NUMA1: variants seen among roughly 807,000 people sequenced by gnomAD.
NUMA1 encodes the protein SP-H antigen.
A neutral mutation model predicts 237.1 loss-of-function variants in NUMA1; 62 were observed. The observed-to-expected ratio is 0.26, with a 90% CI of 0.21 to 0.32. The LOEUF (loss-of-function observed/expected upper bound fraction) is 0.32. Ranked by LOEUF, NUMA1 falls within the 10% of genes least tolerant of loss-of-function variation. The pLI, the probability that NUMA1 is intolerant of heterozygous loss-of-function variation, is 1.00. For synonymous variants in NUMA1, 1,028 were observed against 1,066.1 expected, an observed-to-expected ratio of 0.96 and a Z score of 0.70; for missense variants, 2,533 against 2,666.5, an observed-to-expected ratio of 0.95 and a Z score of 1.10.
At chr11:72,036,586 C>T (rs1941048569) in intron 2 of NUMA1, among the ~76,000 whole-genome samples, 2 of 152,186 alleles carry the variant, frequency 1.3e-5, no homozygotes, top group African/African-American at 2.4e-5. Context: ...CTTGGGGAAA[C>T]TGTTCTAGTT....
chr11:72,014,034 G>A lies in NUMA1; in HGVS notation c.3469C>T (p.Arg1157Trp), dbSNP rs748699666. 2.4e-5 allele frequency: 39 copies of A among 1,611,086 alleles called. No homozygotes were observed. In the South Asian group the frequency reaches 3.5e-4, roughly 15 times the overall value. The change falls in exon 15 of 27, where the codon CGG becomes TGG. Residue 1157 changes from arginine (R) to tryptophan (W), a missense_variant. By Grantham distance (101) the Arg-to-Trp change is moderately radical. Transcript: ENST00000393695. This position sits in a 1 kb window ranked among gnomAD's most constrained non-coding sequence, Gnocchi z 4.6. The stretch of plus-strand genomic sequence containing the variant: ...TCCAGAGCACTGTCCCGCTCAGCCC[G>A]GGAGGCCCGCTCAGCCTCGAGGCTG... ...ERSLEAERAS[R>W]AERDSALETL...
chr11:72,049,560 A>ATATATATATATATATATATATATTT (rs59229987), intron 2 of NUMA1: 1 of 41,004 alleles, frequency 2.4e-5, no homozygotes, highest in African/African-American at 8.5e-5. Context: ...AAATAATAAT[A>ATATATATATATATATATATATATTT]ATATATATAT....
Position 72,059,784 on chromosome 11 carries a change from A to C in NUMA1, c.-33+10058T>G, listed in dbSNP as rs193274892. ...CAATAATTAGAATTAATGGGTTGAA[A>C]AGCTTGTGTATTTTAAATGTCAACA... On this transcript the variant is annotated intron_variant, in intron 2 of 26. Coordinates refer to ENST00000393695, the MANE Select transcript of NUMA1 (RefSeq NM_006185.4). Among the ~76,000 whole-genome samples the C allele has an allele frequency of 3.5e-3, 540 of 152,262 alleles. 4 individuals are homozygous for C. Among genetic ancestry groups the C allele is most frequent in the African/African-American group, 0.013 (526 of 41,540 alleles).
At chr11:72,054,074 T>C (rs1034631062) in intron 2 of NUMA1, among the ~76,000 whole-genome samples, 5 of 152,126 alleles carry the variant, frequency 3.3e-5, no homozygotes, top group African/African-American at 1.2e-4. Flanking sequence ...GACAACTGTA[T>C]AAATGAAGAA....
At chr11:72,073,160 A>G (rs1943543594) in intron 1 of NUMA1, among the ~76,000 whole-genome samples, 1 of 151,490 alleles carries the variant, frequency 6.6e-6, no homozygotes, top group Non-Finnish European at 1.5e-5. Flanking sequence ...GGTGTTCAAG[A>G]CTAGCCTGAG....
At chr11:72,043,196 C>G (rs1027978697) in intron 2 of NUMA1, among the ~76,000 whole-genome samples, 1 of 150,528 alleles carries the variant, frequency 6.6e-6, no homozygotes, top group Non-Finnish European at 1.5e-5. Flanking sequence ...AGAGAGAAAA[C>G]AGAGTATAAT....
chr11:72,007,221 T>C lies in NUMA1; in HGVS notation c.5431A>G (p.Thr1811Ala), dbSNP rs1955787330. 6.2e-7 allele frequency: 1 copy of C among 1,611,876 alleles called. No individual in the cohort carries two copies. Among genetic ancestry groups the C allele is most frequent in the African/African-American group, 1.3e-5 (1 of 75,034 alleles). Residue 1811 changes from threonine to alanine, a missense_variant, in exon 21 of 27, where the codon ACC becomes GCC. Physicochemically the swap from Thr to Ala is moderately conservative, Grantham distance 58. Transcript: ENST00000393695. ...ATGGTGATGTTGATGATCTGCGTGGTGCGCCGACGAGCGGAGCGGGTCTTA... is the reference window on the plus strand; with the variant it reads ...ATGGTGATGTTGATGATCTGCGTGGCGCGCCGACGAGCGGAGCGGGTCTTA... ...GRKTRSARRRTTQIINITMTK... is the reference protein window; with the variant it reads ...GRKTRSARRRATQIINITMTK...
At chr11:72,012,158 T>C (rs548730830) in intron 16 of NUMA1, 22 of 500,566 alleles carry the variant, frequency 4.4e-5, no homozygotes, top group South Asian at 3.1e-4. Flanking sequence ...TTGTCCCTGA[T>C]AGGCAAATGA....
chr11:72,019,013 A>T, intron 9 of NUMA1, 33 bp from the exon 10 acceptor site: 1 of 1,610,602 alleles, frequency 6.2e-7, no homozygotes, highest in East Asian at 2.2e-5. Flanking sequence ...TGCATTGGTA[A>T]GCGCCTAAGA....
At chr11:72,031,983 A>G (rs1186766967) in intron 3 of NUMA1, among the ~76,000 whole-genome samples, 1 of 31,132 alleles carries the variant, frequency 3.2e-5, no homozygotes, top group African/African-American at 7.5e-5. Flanking sequence ...AAAAAAAAAA[A>G]AAAAAAGAGA....
Position 72,005,280 on chromosome 11 carries a change from G to A in NUMA1, c.5782C>T (p.Arg1928Ter), listed in dbSNP as rs1255727670. Residue 1928 changes from arginine to a stop codon, truncating the protein, a stop_gained, in exon 23 of 27, where the codon CGA (arginine) becomes TGA (stop). Transcript: ENST00000393695. LOFTEE classifies it high-confidence loss of function. ...NRIAELQQRN[R>*]VCPPHLKTCY... Reference sequence around the variant, plus strand: ...GTCTTCAGATGTGGGGGGCACACTCGATTGCGCTGCTGCAGCTCTGCAATG... The same window carrying A: ...GTCTTCAGATGTGGGGGGCACACTCAATTGCGCTGCTGCAGCTCTGCAATG... 2 of 1,609,978 alleles carry A rather than the reference G, an allele frequency of 1.2e-6. No individual in the cohort carries two copies. Among genetic ancestry groups the A allele is most frequent in the Admixed American group, 1.7e-5 (1 of 59,446 alleles).
rs1007434914 is a variant in NUMA1, at chr11:72,006,379, T to A, written c.5464-116A>T. The stretch of plus-strand genomic sequence containing the variant: ...CACATCCATGTATTCCCAACTGCTT[T>A]GCAAAGGTCCTTAAAGTGTGTGTCT... On this transcript the variant is annotated intron_variant, in intron 21 of 26. Coordinates refer to ENST00000393695, the MANE Select transcript of NUMA1 (RefSeq NM_006185.4). 5.8e-5 allele frequency: 48 copies of A among 827,528 alleles called. No homozygotes were observed. In the Admixed American group the frequency reaches 1.2e-3, roughly 20 times the overall value. 51.3% of individuals were successfully genotyped at this position (827,528 alleles called of 1,614,324 possible). A position where few individuals can be genotyped will look rare whatever the true frequency, so the allele number is the denominator to read the frequency against.
At chr11:72,053,780 G>A (rs1030224211) in intron 2 of NUMA1, among the ~76,000 whole-genome samples, 5 of 152,164 alleles carry the variant, frequency 3.3e-5, no homozygotes, top group Admixed American at 6.6e-5. Flanking sequence ...CACATGTGTG[G>A]ATTCAACCAA....
At position 72,010,777 on chromosome 11, in the gene NUMA1, C is replaced by T; in HGVS notation, c.4719+9G>A. On this transcript the variant is annotated intron_variant, in intron 17 of 26. Coordinates refer to ENST00000393695, the MANE Select transcript of NUMA1 (RefSeq NM_006185.4). ...CCAGAGGCCAGACCCATTCCCCCAG[C>T]TGCCCCACCTTCAGCTTCTGCTGCT... is the stretch of plus-strand genomic sequence containing the variant. The T allele has an allele frequency of 6.2e-7, 1 of 1,612,878 alleles. No individual in the cohort carries two copies. Among genetic ancestry groups the T allele is most frequent in the Non-Finnish European group, 8.5e-7 (1 of 1,179,782 alleles).
chr11:72,012,373 A>G (rs759619922), intron 16 of NUMA1, 28 bp downstream of exon 16: 2 of 1,610,680 alleles, frequency 1.2e-6, no homozygotes, highest in Non-Finnish European at 1.7e-6. Flanking sequence ...TTAAGCAGCC[A>G]GCATTTAGCG....
chr11:72,013,505 T>C lies in NUMA1; in HGVS notation c.3998A>G (p.Gln1333Arg). The C allele has an allele frequency of 6.2e-7, 1 of 1,613,540 alleles. No homozygotes were observed. Among genetic ancestry groups the C allele is most frequent in the South Asian group, 1.1e-5 (1 of 91,086 alleles). Reference protein sequence around the residue: ...EELGQELKAWQEKFFQKEQAL... With the variant: ...EELGQELKAWREKFFQKEQAL... ...CTGCTCTTTCTGGAAGAACTTCTCC[T>C]GCCACGCCTTCAATTCTTGGCCCAG... The change falls in exon 15 of 27, where the codon CAG becomes CGG. Residue 1333 changes from glutamine (Q) to arginine (R), a missense_variant. Physicochemically the swap from Gln to Arg is conservative, Grantham distance 43. This residue lies in a region of NUMA1 where 324 missense variants were observed against 407.6 expected (regional missense o/e 0.79). Transcript: ENST00000393695. This position sits in a 1 kb window ranked among gnomAD's most constrained non-coding sequence, Gnocchi z 6.8.
In NUMA1 at chr11:72,035,987, G is replaced by C. The variant is rs780842018; in HGVS notation, c.-32-12C>G. The C allele has an allele frequency of 4.4e-6, 7 of 1,600,842 alleles. No homozygotes were observed. Among genetic ancestry groups the C allele is most frequent in the Non-Finnish European group, 6.0e-6 (7 of 1,168,034 alleles). On this transcript the variant is annotated splice_polypyrimidine_tract_variant and intron_variant, in intron 2 of 26. Transcript: ENST00000393695. ...TCACTCCAATGCGCCTGGAACCCAA[G>C]AGAGGAAGAAAAGCAGTTAATCATA...
chr11:72,069,377 C>T (rs1193933386), intron 2 of NUMA1, among the ~76,000 whole-genome samples: 1 of 152,154 alleles, frequency 6.6e-6, no homozygotes, highest in Admixed American at 6.5e-5. Flanking sequence ...CCCAAACTCC[C>T]AGCATAATGC....
At chr11:72,026,865 G>T (rs914125872) in intron 4 of NUMA1, among the ~76,000 whole-genome samples, 1 of 152,174 alleles carries the variant, frequency 6.6e-6, no homozygotes, top group Non-Finnish European at 1.5e-5. Flanking sequence ...TTTCCCAAAA[G>T]GAAGCTGGTC....
Sources: gnomAD v4.1 joint callset for allele counts (sites outside exome capture counted in the v4.1 genomes callset) on GRCh38, gnomAD v4.1.1 for gene constraint, gnomAD v4.1.1 regional missense constraint, Gnocchi (gnomAD v3.1) non-coding constraint, MANE v1.5 for transcripts, NCBI Gene and HGNC (gene_info 2026-07-23, HGNC 2026-07-21) for gene names.